Variants in SVEP1 observed in about 807,000 individuals in gnomAD.
The protein encoded by SVEP1 is sushi, von Willebrand factor type A, EGF and pentraxin domain-containing protein 1.
SVEP1 carries 164 observed loss-of-function variants against 367.3 expected under a neutral mutation model. The observed-to-expected ratio is 0.45, with a 90% CI of 0.39 to 0.51. The LOEUF is 0.51. SVEP1 is among the 20% of genes least tolerant of loss of function. The pLI, the probability that SVEP1 is intolerant of heterozygous loss-of-function variation, is 0.00. For synonymous variants in SVEP1, 1,666 were observed against 1,611.6 expected, an observed-to-expected ratio of 1.03 and a Z score of -0.81; for missense variants, 4,117 against 4,425.3, an observed-to-expected ratio of 0.93 and a Z score of 1.98.
intron 27 of SVEP1, among the ~76,000 whole-genome samples, chr9:110,442,106 C>G (rs1459529153): frequency 1.3e-5 from 2 of 152,210 alleles, no homozygotes; most frequent in Non-Finnish European, 2.9e-5. Flanking sequence ...AGGGACATAT[C>G]CACAAGCCTC....
At chr9:110,390,353 A>ACT (rs1554710777) in intron 40 of SVEP1, among the ~76,000 whole-genome samples, 829 of 50,284 alleles carry the variant, frequency 0.016, 152 homozygotes, top group Middle Eastern at 0.083. Flanking sequence ...ATATACACTT[A>ACT]TATATATATA....
Position 110,539,283 on chromosome 9 carries a change from C to A in SVEP1, c.964+6832G>T, listed in dbSNP as rs147399596. Among the ~76,000 whole-genome samples the A allele has an allele frequency of 4.8e-4, 73 of 152,134 alleles. No individual in the cohort carries two copies. In the East Asian group the frequency reaches 0.013, roughly 26 times the overall value. On this transcript the variant is annotated intron_variant, in intron 3 of 47. Coordinates refer to ENST00000374469, the MANE Select transcript of SVEP1 (RefSeq NM_153366.4). Reference sequence around the variant, plus strand: ...AGCCAGAAAATGCATGAATAAAGATCCAAGGAATGAAATAGCATACGAGCT... The same window carrying A: ...AGCCAGAAAATGCATGAATAAAGATACAAGGAATGAAATAGCATACGAGCT...
intron 40 of SVEP1, among the ~76,000 whole-genome samples, chr9:110,395,174 C>T (rs1010744784): frequency 1.4e-4 from 22 of 152,198 alleles, no homozygotes; most frequent in Non-Finnish European, 2.6e-4. Flanking sequence ...CTCTACAAGC[C>T]AGAAGAGAGT....
At chr9:110,449,511 C>T (rs184368875) in intron 24 of SVEP1, among the ~76,000 whole-genome samples, 4 of 152,108 alleles carry the variant, frequency 2.6e-5, no homozygotes, top group Non-Finnish European at 5.9e-5. Context: ...GGTGAAACCC[C>T]GTCTCTACTA....
chr9:110,499,469 C>A (rs192378093), intron 6 of SVEP1, among the ~76,000 whole-genome samples: 2 of 152,138 alleles, frequency 1.3e-5, no homozygotes, highest in Non-Finnish European at 2.9e-5. Flanking sequence ...CTTTCAAAAA[C>A]TTCTGATATT....
intron 43 of SVEP1, among the ~76,000 whole-genome samples, chr9:110,385,688 G>C (rs1356477195): frequency 7.0e-6 from 1 of 141,894 alleles, no homozygotes; most frequent in East Asian, 1.9e-4. Context: ...TGTTCAGGTG[G>C]GTTTTAGTTT....
chr9:110,552,023 C>G (rs191541154), intron 1 of SVEP1, among the ~76,000 whole-genome samples: 1 of 128,742 alleles, frequency 7.8e-6, no homozygotes, highest in Admixed American at 7.7e-5. Flanking sequence ...TGGTACCCAA[C>G]CTTTTTTTTT....
At chr9:110,480,151 A>G (rs1223284746) in intron 12 of SVEP1, among the ~76,000 whole-genome samples, 1 of 152,220 alleles carries the variant, frequency 6.6e-6, no homozygotes, top group African/African-American at 2.4e-5. Flanking sequence ...TAGGCATTGA[A>G]ACATTTCTAA....
intron 1 of SVEP1, among the ~76,000 whole-genome samples, chr9:110,551,505 A>G (rs887348573): frequency 6.6e-6 from 1 of 152,142 alleles, no homozygotes; most frequent in African/African-American, 2.4e-5. Flanking sequence ...ATTTCACCAC[A>G]CTCTTTCTCA....
chr9:110,527,814 T>A (rs1490868502), intron 3 of SVEP1, among the ~76,000 whole-genome samples: 4 of 151,854 alleles, frequency 2.6e-5, no homozygotes, highest in Non-Finnish European at 5.9e-5. Flanking sequence ...TACACAATTA[T>A]AAAAAACTAC....
At chr9:110,369,381 C>T (rs1466057187) in intron 47 of SVEP1, among the ~76,000 whole-genome samples, 1 of 152,082 alleles carries the variant, frequency 6.6e-6, no homozygotes, top group Non-Finnish European at 1.5e-5. Flanking sequence ...CGCATAGAAA[C>T]ACTAAAATAC....
intron 40 of SVEP1, among the ~76,000 whole-genome samples, chr9:110,392,555 T>G (rs1345433554): frequency 1.3e-5 from 2 of 152,158 alleles, no homozygotes; most frequent in Non-Finnish European, 2.9e-5. Flanking sequence ...ATCCATTAAT[T>G]CTTAGGAGTT....
chr9:110,464,447 T>G (rs1481081170), intron 18 of SVEP1, among the ~76,000 whole-genome samples: 3 of 152,214 alleles, frequency 2.0e-5, no homozygotes, highest in African/African-American at 7.2e-5. Context: ...GCCTGTTTCC[T>G]TTTCTCCCAA....
chr9:110,389,603 G>T lies in SVEP1; in HGVS notation c.9823-16C>A, dbSNP rs780751907. 7 of 1,612,892 alleles carry T rather than the reference G, an allele frequency of 4.3e-6. No homozygotes were observed. The highest frequency in any genetic ancestry group is 5.1e-6 in the Non-Finnish European group (6 of 1,179,452). On this transcript the variant is annotated splice_polypyrimidine_tract_variant and intron_variant, in intron 40 of 47. Coordinates refer to ENST00000374469, the MANE Select transcript of SVEP1 (RefSeq NM_153366.4). The stretch of plus-strand genomic sequence containing the variant: ...CCCTGTTCCCCTGTGAAACAATGGA[G>T]AAAGGTCATCAAGATCATAACTCTA...
chr9:110,467,728 C>A (rs546561423), intron 17 of SVEP1, among the ~76,000 whole-genome samples: 4 of 151,804 alleles, frequency 2.6e-5, no homozygotes, highest in Admixed American at 6.6e-5. Context: ...CTCCACCTCC[C>A]GGGCTCAAGC....
chr9:110,436,697 TAGAC>T (rs1258387900), intron 27 of SVEP1, among the ~76,000 whole-genome samples, 193 bp from the exon 28 acceptor site: 2 of 152,212 alleles, frequency 1.3e-5, no homozygotes, highest in Non-Finnish European at 2.9e-5. Flanking sequence ...AACTTAAAAA[TAGAC>T]AGGATTTAGA....
At chr9:110,443,931 G>C (rs1033555892) in intron 26 of SVEP1, among the ~76,000 whole-genome samples, 1 of 151,902 alleles carries the variant, frequency 6.6e-6, no homozygotes, top group Non-Finnish European at 1.5e-5. Context: ...ACTGAAAATT[G>C]GTTTGTGTTT....
chr9:110,516,876 T>C (rs975564597), intron 3 of SVEP1, among the ~76,000 whole-genome samples: 2 of 152,146 alleles, frequency 1.3e-5, no homozygotes, highest in Non-Finnish European at 2.9e-5. Flanking sequence ...GGAGCTTTAG[T>C]GCAAAAGTAC....
chr9:110,497,318 G>T (rs999166824), intron 7 of SVEP1, among the ~76,000 whole-genome samples: 3 of 152,124 alleles, frequency 2.0e-5, no homozygotes, highest in African/African-American at 7.2e-5. Context: ...AACAGGCTTA[G>T]ACACAGCTCC....
Sources: gnomAD v4.1 joint callset for allele counts (sites outside exome capture counted in the v4.1 genomes callset) on GRCh38, gnomAD v4.1.1 for gene constraint, MANE v1.5 for transcripts, NCBI Gene and HGNC (gene_info 2026-07-23, HGNC 2026-07-21) for gene names.